The following BRINP1 variants were observed in gnomAD, a reference collection of about 807,000 sequenced individuals.
BRINP1 encodes the protein BMP/retinoic acid-inducible neural-specific protein 1.
BRINP1 carries 17 observed loss-of-function variants against 72.9 expected under a neutral mutation model. The ratio of observed to expected loss-of-function variants is 0.23; its 90% CI spans 0.16 to 0.35. The LOEUF (loss-of-function observed/expected upper bound fraction) is 0.35, where lower values mean the gene tolerates loss of function less well. Ranked by LOEUF, BRINP1 falls within the 10% of genes least tolerant of loss-of-function variation. The probability of loss-of-function intolerance (pLI) is 1.00; values close to 1 mark genes in which losing one functional copy is unlikely to be tolerated. For synonymous variants in BRINP1, 418 were observed against 378.5 expected, an observed-to-expected ratio of 1.10 and a Z score of -1.21; for missense variants, 850 against 1,001.6, an observed-to-expected ratio of 0.85 and a Z score of 2.04.
intron 1 of BRINP1, among the ~76,000 whole-genome samples, chr9:119,321,171 T>G (rs1243594791): frequency 1.3e-5 from 2 of 152,164 alleles, no homozygotes; most frequent in Non-Finnish European, 2.9e-5. Flanking sequence ...GACCTCGTGA[T>G]CCACCCGCCT....
At chr9:119,232,604 T>C (rs1830158634) in intron 5 of BRINP1, among the ~76,000 whole-genome samples, 1 of 152,162 alleles carries the variant, frequency 6.6e-6, no homozygotes, top group Non-Finnish European at 1.5e-5. Context: ...AATGATTCAT[T>C]TATCTTATTC....
At chr9:119,338,336 G>A (rs1339290051) in intron 1 of BRINP1, among the ~76,000 whole-genome samples, 2 of 142,258 alleles carry the variant, frequency 1.4e-5, no homozygotes, top group African/African-American at 2.6e-5. Context: ...CATGCATTAC[G>A]TCCCAGGCAC....
intron 3 of BRINP1, among the ~76,000 whole-genome samples, chr9:119,248,640 A>G (rs905240038): frequency 1.3e-5 from 2 of 152,224 alleles, no homozygotes; most frequent in African/African-American, 2.4e-5. Flanking sequence ...AAATTTAATT[A>G]TTTTCCCAGA....
At chr9:119,325,052 A>C (rs554687893) in intron 1 of BRINP1, among the ~76,000 whole-genome samples, 2 of 152,192 alleles carry the variant, frequency 1.3e-5, no homozygotes, top group East Asian at 3.9e-4. Context: ...GTGAGCTGAG[A>C]TCACGCCATT....
chr9:119,190,531 C>T (rs1333457880), intron 7 of BRINP1, among the ~76,000 whole-genome samples: 1 of 151,610 alleles, frequency 6.6e-6, no homozygotes, highest in Non-Finnish European at 1.5e-5. Flanking sequence ...CAATTATATG[C>T]CAACAAATTG....
At chr9:119,244,973 T>A (rs148283842) in intron 3 of BRINP1, among the ~76,000 whole-genome samples, 1 of 152,134 alleles carries the variant, frequency 6.6e-6, no homozygotes, top group South Asian at 2.1e-4. Context: ...TGCTCCCAGA[T>A]AGGAGATGAG....
chr9:119,295,343 A>G (rs1306834957), intron 2 of BRINP1, among the ~76,000 whole-genome samples: 4 of 152,086 alleles, frequency 2.6e-5, no homozygotes, highest in African/African-American at 4.8e-5. Flanking sequence ...ACATCAGTAG[A>G]TGATTTTGTC....
intron 3 of BRINP1, among the ~76,000 whole-genome samples, chr9:119,245,115 A>G (rs1002750295): frequency 6.6e-6 from 1 of 152,172 alleles, no homozygotes; most frequent in Admixed American, 6.5e-5. Flanking sequence ...GAATATACAA[A>G]TAAACAAAAA....
intron 7 of BRINP1, among the ~76,000 whole-genome samples, chr9:119,201,908 C>T (rs2118863441): frequency 6.6e-6 from 1 of 152,194 alleles, no homozygotes; most frequent in East Asian, 1.9e-4. Context: ...TACCTTATTT[C>T]CCTCTCTCTT....
chr9:119,267,122 G>A (rs1830555840), intron 2 of BRINP1, among the ~76,000 whole-genome samples: 2 of 152,152 alleles, frequency 1.3e-5, no homozygotes, highest in African/African-American at 4.8e-5. Flanking sequence ...CATAATAATT[G>A]TACACATTTA....
intron 2 of BRINP1, among the ~76,000 whole-genome samples, chr9:119,271,510 A>C (rs1197020640): frequency 6.6e-6 from 1 of 152,072 alleles, no homozygotes; most frequent in Non-Finnish European, 1.5e-5. Flanking sequence ...TTTATTTATT[A>C]TTTATAGGAG....
At chr9:119,221,157 G>T (rs1239190489) in intron 5 of BRINP1, among the ~76,000 whole-genome samples, 1 of 152,078 alleles carries the variant, frequency 6.6e-6, no homozygotes, top group Non-Finnish European at 1.5e-5. Context: ...ATCAGAATGT[G>T]CCCCCTGTAG....
At chr9:119,185,965 G>A (rs1829613481) in intron 7 of BRINP1, among the ~76,000 whole-genome samples, 1 of 152,210 alleles carries the variant, frequency 6.6e-6, no homozygotes, top group South Asian at 2.1e-4. Context: ...TGACATCATT[G>A]CACTATGATC....
chr9:119,221,362 G>A (rs1028715763), intron 5 of BRINP1, among the ~76,000 whole-genome samples: 3 of 152,096 alleles, frequency 2.0e-5, no homozygotes, highest in African/African-American at 7.2e-5. Context: ...GGACTTTATG[G>A]CTCCAACAGC....
At chr9:119,345,612 G>C (rs1831441860) in intron 1 of BRINP1, among the ~76,000 whole-genome samples, 1 of 152,110 alleles carries the variant, frequency 6.6e-6, no homozygotes, top group South Asian at 2.1e-4. Context: ...ATGCACGTTA[G>C]CCATCTCTAA....
intron 7 of BRINP1, among the ~76,000 whole-genome samples, chr9:119,195,850 T>A (rs757424900): frequency 1.3e-5 from 2 of 152,218 alleles, no homozygotes; most frequent in Non-Finnish European, 2.9e-5. Context: ...CACCAAATAA[T>A]CTGTGTCATA....
intron 1 of BRINP1, among the ~76,000 whole-genome samples, chr9:119,336,981 T>C (rs1831352235): frequency 6.6e-6 from 1 of 152,084 alleles, no homozygotes; most frequent in Admixed American, 6.5e-5. Flanking sequence ...AAAGGATTAA[T>C]GGGAGAGAGG....
At position 119,367,741 on chromosome 9, in the gene BRINP1, T is replaced by TA. The variant is rs1831710256; in HGVS notation, c.-51+1314dup. Among the ~76,000 whole-genome samples the TA allele has an allele frequency of 2.0e-5, 3 of 152,220 alleles. No individual in the cohort carries two copies. The South Asian group carries it at 6.2e-4, about 32-fold the overall frequency. Reference sequence around the variant, plus strand: ...CAAACCGACAGCAGTTTAAGTCAATTACTGCCACATTCTGTCATGGGTTCC... The same window carrying TA: ...CAAACCGACAGCAGTTTAAGTCAATTAACTGCCACATTCTGTCATGGGTTCC... On this transcript the variant is annotated intron_variant, in intron 1 of 7. Coordinates refer to ENST00000265922, the MANE Select transcript of BRINP1 (RefSeq NM_014618.3).
At chr9:119,200,647 AAAAG>A (rs1202135478) in intron 7 of BRINP1, among the ~76,000 whole-genome samples, 15 of 151,082 alleles carry the variant, frequency 9.9e-5, no homozygotes, top group African/African-American at 3.2e-4. Context: ...AAAAAAAAAA[AAAAG>A]AAAGAAAAGA....
Sources: allele counts gnomAD v4.1 joint callset (sites outside exome capture counted in the v4.1 genomes callset), GRCh38; gene constraint gnomAD v4.1.1; transcripts MANE v1.5; gene names NCBI Gene and HGNC (gene_info 2026-07-23, HGNC 2026-07-21).